Variants in MYO5B observed in about 807,000 individuals in gnomAD.
The protein encoded by MYO5B is unconventional myosin-Vb.
In MYO5B, 143 loss-of-function variants were observed where a neutral mutation model predicts 229.3. That is an observed-to-expected ratio of 0.62 (90% CI 0.54 to 0.72). MYO5B has a LOEUF of 0.72. Among genes scored for constraint, MYO5B ranks in the 30% least tolerant of loss-of-function variants. MYO5B has a pLI of 0.00. For missense variants in MYO5B, 2,321 were observed against 2,331.0 expected, an observed-to-expected ratio of 1.00 and a Z score of 0.09; for synonymous variants, 918 against 885.2, an observed-to-expected ratio of 1.04 and a Z score of -0.66.
chr18:50,074,782 A>G (rs16951447), intron 1 of MYO5B, among the ~76,000 whole-genome samples: 8,580 of 152,200 alleles, frequency 0.056, 293 homozygotes, highest in African/African-American at 0.097. Context: ...GCCCATAAAT[A>G]TAAGTTCCAG....
chr18:50,109,305 C>T (rs2031820407), intron 1 of MYO5B, among the ~76,000 whole-genome samples: 1 of 152,162 alleles, frequency 6.6e-6, no homozygotes, highest in African/African-American at 2.4e-5. Context: ...GGCACCCAAG[C>T]CGGGAGACAA....
chr18:50,053,118 T>TA (rs2030446703), intron 2 of MYO5B, among the ~76,000 whole-genome samples: 2 of 152,218 alleles, frequency 1.3e-5, no homozygotes, highest in Admixed American at 1.3e-4. Flanking sequence ...CTCCTGCCTC[T>TA]AGTCCACAGC....
intron 12 of MYO5B, among the ~76,000 whole-genome samples, chr18:49,961,512 G>A (rs1051104656): frequency 6.6e-6 from 1 of 152,250 alleles, no homozygotes; most frequent in African/African-American, 2.4e-5. Flanking sequence ...TGGGAGAGCA[G>A]AAAGTAAAAG....
intron 4 of MYO5B, among the ~76,000 whole-genome samples, chr18:50,007,271 G>C (rs1370035380): frequency 6.6e-6 from 1 of 152,178 alleles, no homozygotes; most frequent in Admixed American, 6.5e-5. Context: ...AGAAACCTAA[G>C]AGGCACTGGG....
chr18:49,986,791 A>G (rs1002142317), intron 7 of MYO5B, among the ~76,000 whole-genome samples: 1 of 152,134 alleles, frequency 6.6e-6, no homozygotes, highest in Non-Finnish European at 1.5e-5. Flanking sequence ...AAGACTGTCT[A>G]TATTATTTAC....
intron 2 of MYO5B, among the ~76,000 whole-genome samples, chr18:50,043,939 C>G (rs561609935): frequency 6.6e-6 from 1 of 152,042 alleles, no homozygotes; most frequent in Admixed American, 6.6e-5. Context: ...TCAGTGTACA[C>G]TGCTTGGGAG....
chr18:49,955,474 G>C lies in MYO5B; in HGVS notation c.1546-1039C>G, dbSNP rs188388068. On this transcript the variant is annotated intron_variant, in intron 12 of 39. Coordinates refer to ENST00000285039, the MANE Select transcript of MYO5B (RefSeq NM_001080467.3). ...AACTGACCTGCCCTTCTTTGGTTTA[G>C]ATTGCATATTTGGATCAGGAAGTGT... 5.2e-3 allele frequency among the ~76,000 whole-genome samples: 788 copies of C among 152,286 alleles called. 4 individuals are homozygous for C. Among genetic ancestry groups the C allele is most frequent in the South Asian group, 0.012 (60 of 4,828 alleles).
intron 19 of MYO5B, 76 bp downstream of exon 19, chr18:49,906,343 C>A (rs2024899150): frequency 7.0e-7 from 1 of 1,434,968 alleles, no homozygotes. Flanking sequence ...AAGAGAGAAG[C>A]CAAGTAGCTG....
Position 49,865,182 on chromosome 18 carries a change from C to A in MYO5B, c.3604-802G>T, listed in dbSNP as rs146162069. Among the ~76,000 whole-genome samples the A allele has an allele frequency of 1.2e-3, 180 of 152,202 alleles. 2 individuals are homozygous for A. The highest frequency in any genetic ancestry group is 4.2e-3 in the African/African-American group (173 of 41,520). ...GTTACAGAGCCATAGCATGATGGAA[C>A]CAGGGGACCGCTGGGGAGAATGAAT... On this transcript the variant is annotated intron_variant, in intron 27 of 39. Coordinates refer to ENST00000285039, the MANE Select transcript of MYO5B (RefSeq NM_001080467.3).
At chr18:50,129,907 T>G (rs925223212) in intron 1 of MYO5B, among the ~76,000 whole-genome samples, 3 of 152,226 alleles carry the variant, frequency 2.0e-5, no homozygotes, top group African/African-American at 7.2e-5. Flanking sequence ...CATGAAGTGC[T>G]TCTTTAGACA....
chr18:49,954,024 A>ATGTGTGTG (rs766610907), intron 13 of MYO5B, among the ~76,000 whole-genome samples: 15 of 51,140 alleles, frequency 2.9e-4, no homozygotes, highest in African/African-American at 8.1e-4. Context: ...ATGTATTTAT[A>ATGTGTGTG]TGTGTGTGTG....
intron 1 of MYO5B, among the ~76,000 whole-genome samples, chr18:50,159,384 G>T (rs2032729668): frequency 6.6e-6 from 1 of 152,114 alleles, no homozygotes; most frequent in South Asian, 2.1e-4. Context: ...GCATGTTCAA[G>T]GAGCTTTCAC....
chr18:50,162,869 C>T (rs1388916020), intron 1 of MYO5B, among the ~76,000 whole-genome samples: 4 of 152,174 alleles, frequency 2.6e-5, no homozygotes, highest in African/African-American at 4.8e-5. Flanking sequence ...CTCCCCATCC[C>T]GTCCATTCCA....
At chr18:50,181,607 A>G (rs1599083773) in intron 1 of MYO5B, among the ~76,000 whole-genome samples, 1 of 152,258 alleles carries the variant, frequency 6.6e-6, no homozygotes, top group East Asian at 1.9e-4. Context: ...CAGTTTCATA[A>G]GATGTATTGA....
At chr18:50,179,050 T>C (rs1335422079) in intron 1 of MYO5B, among the ~76,000 whole-genome samples, 1 of 152,170 alleles carries the variant, frequency 6.6e-6, no homozygotes, top group African/African-American at 2.4e-5. Context: ...AAAAAATGTT[T>C]ATTATTATAC....
intron 5 of MYO5B, among the ~76,000 whole-genome samples, chr18:50,000,342 T>C (rs1265664931): frequency 1.3e-5 from 2 of 152,146 alleles, no homozygotes; most frequent in African/African-American, 4.8e-5. Flanking sequence ...GGTGTGATGA[T>C]AGAAGGGAAC....
chr18:49,879,467 G>A, intron 23 of MYO5B: 1 of 299,498 alleles, frequency 3.3e-6, no homozygotes, highest in South Asian at 3.7e-5. Flanking sequence ...TCAGTTCTTA[G>A]GAGTGCAGGG....
intron 18 of MYO5B, 29 bp from the exon 19 acceptor site, chr18:49,906,659 G>A: frequency 6.3e-7 from 1 of 1,581,992 alleles, no homozygotes; most frequent in Non-Finnish European, 8.7e-7. Context: ...GGATCTGGTT[G>A]GTCACCAGTG....
chr18:49,908,743 T>G (rs2024927145), intron 18 of MYO5B, among the ~76,000 whole-genome samples: 1 of 152,228 alleles, frequency 6.6e-6, no homozygotes, highest in South Asian at 2.1e-4. Context: ...TAGACTATTA[T>G]TAATTCTGGA....
Sources: gnomAD v4.1 joint callset for allele counts (sites outside exome capture counted in the v4.1 genomes callset) on GRCh38, gnomAD v4.1.1 for gene constraint, MANE v1.5 for transcripts, NCBI Gene and HGNC (gene_info 2026-07-23, HGNC 2026-07-21) for gene names.